QTMAN: variants seen among roughly 807,000 people sequenced by gnomAD.
QTMAN encodes the protein queuosine-tRNA mannosyltransferase, also known as tRNA-queuosine alpha-mannosyltransferase.
the QTMAN span, among the ~76,000 whole-genome samples, chr2:144,326,540 T>C: frequency 2.0e-5 from 3 of 149,100 alleles, no homozygotes; most frequent in East Asian, 2.0e-4. Flanking sequence ...TGAGCCGAGA[T>C]TGCGCCACTG....
the QTMAN span, chr2:143,952,832 A>C: frequency 6.2e-7 from 1 of 1,604,226 alleles, no homozygotes; most frequent in Non-Finnish European, 8.5e-7. Flanking sequence ...CCCACAGTAC[A>C]CAGCTTCCAA....
chr2:143,980,501 A>T, the QTMAN span, among the ~76,000 whole-genome samples: 2 of 151,068 alleles, frequency 1.3e-5, no homozygotes, highest in East Asian at 3.9e-4. Context: ...AATTGAATTG[A>T]CTCTAAATCT....
the QTMAN span, among the ~76,000 whole-genome samples, chr2:144,323,491 G>C: frequency 6.6e-6 from 1 of 152,066 alleles, no homozygotes; most frequent in East Asian, 1.9e-4. Flanking sequence ...TAGTTTCATC[G>C]ATCATTGCTT....
the QTMAN span, among the ~76,000 whole-genome samples, chr2:144,306,332 A>G: frequency 6.6e-6 from 1 of 152,228 alleles, no homozygotes; most frequent in Non-Finnish European, 1.5e-5. Context: ...TCAGGTTTCT[A>G]TAACAAAATA....
the QTMAN span, among the ~76,000 whole-genome samples, chr2:144,190,998 C>T: frequency 6.6e-6 from 1 of 152,166 alleles, no homozygotes; most frequent in African/African-American, 2.4e-5. Flanking sequence ...TTTAACACTG[C>T]ATAGAAAGTT....
At chr2:144,147,226 A>G in the QTMAN span, among the ~76,000 whole-genome samples, 1 of 151,564 alleles carries the variant, frequency 6.6e-6, no homozygotes, top group African/African-American at 2.4e-5. Flanking sequence ...TCAAACCTAC[A>G]TTGCTATATT....
chr2:143,942,007 C>T, the QTMAN span: 1 of 159,534 alleles, frequency 6.3e-6, no homozygotes, highest in South Asian at 2.1e-4. Context: ...ATTAAATTTT[C>T]AGATCTAAAG....
the QTMAN span, among the ~76,000 whole-genome samples, chr2:144,158,198 A>T: frequency 6.6e-6 from 1 of 151,992 alleles, no homozygotes; most frequent in East Asian, 1.9e-4. Context: ...ACCACTCCAT[A>T]GGAATCAGTA....
chr2:143,969,789 G>A, the QTMAN span, among the ~76,000 whole-genome samples: 9 of 152,134 alleles, frequency 5.9e-5, no homozygotes, highest in Admixed American at 2.0e-4. Context: ...CAGCTGCAGC[G>A]GGCAAAAGAT....
At chr2:144,278,409 T>C in the QTMAN span, among the ~76,000 whole-genome samples, 4 of 152,102 alleles carry the variant, frequency 2.6e-5, no homozygotes, top group Non-Finnish European at 5.9e-5. Flanking sequence ...TAAAATTCTG[T>C]AGTATGAAAG....
the QTMAN span, among the ~76,000 whole-genome samples, chr2:144,036,560 T>TGTAC: frequency 0.014 from 2,119 of 152,296 alleles, 48 homozygotes; most frequent in African/African-American, 0.049. Flanking sequence ...TGTGTGTCTG[T>TGTAC]AACACCATGT....
At chr2:144,306,880 G>A in the QTMAN span, among the ~76,000 whole-genome samples, 1 of 152,058 alleles carries the variant, frequency 6.6e-6, no homozygotes, top group Non-Finnish European at 1.5e-5. Context: ...AAATACAAAT[G>A]GCTGGGCGCG....
chr2:144,249,373 A>G, the QTMAN span, among the ~76,000 whole-genome samples: 1 of 152,224 alleles, frequency 6.6e-6, no homozygotes, highest in African/African-American at 2.4e-5. Context: ...GCTACTTTTC[A>G]GCACGCTTTC....
the QTMAN span, among the ~76,000 whole-genome samples, chr2:144,171,628 CAATATTTGGAGGA>C: frequency 6.6e-6 from 1 of 151,980 alleles, no homozygotes; most frequent in Non-Finnish European, 1.5e-5. Context: ...CTGGACATTT[CAATATTTGGAGGA>C]AATATTTTTT....
At chr2:143,953,368 G>C in the QTMAN span, among the ~76,000 whole-genome samples, 22 of 151,766 alleles carry the variant, frequency 1.4e-4, no homozygotes, top group African/African-American at 5.3e-4. Context: ...AAAACAATTT[G>C]TTATTATGCA....
chr2:144,299,706 A>G, the QTMAN span, among the ~76,000 whole-genome samples: 1 of 152,250 alleles, frequency 6.6e-6, no homozygotes, highest in African/African-American at 2.4e-5. Flanking sequence ...TGCAGCCACT[A>G]TGGAAAAGAG....
the QTMAN span, among the ~76,000 whole-genome samples, chr2:144,075,310 C>T: frequency 6.6e-6 from 1 of 152,210 alleles, no homozygotes; most frequent in Non-Finnish European, 1.5e-5. Context: ...AACACGCACT[C>T]ACATGTTAAA....
At chr2:144,118,825 G>A in the QTMAN span, among the ~76,000 whole-genome samples, 1 of 152,154 alleles carries the variant, frequency 6.6e-6, no homozygotes, top group African/African-American at 2.4e-5. Context: ...AGCTTGCAGT[G>A]AGCCGAGATC....
chr2:144,063,468 G>A, the QTMAN span, among the ~76,000 whole-genome samples: 1 of 152,010 alleles, frequency 6.6e-6, no homozygotes, highest in African/African-American at 2.4e-5. Flanking sequence ...AAATCAACTT[G>A]ACTTATCAAG....
Sources: allele counts gnomAD v4.1 joint callset (sites outside exome capture counted in the v4.1 genomes callset), GRCh38; gene constraint gnomAD v4.1.1; transcripts MANE v1.5; gene names NCBI Gene and HGNC (gene_info 2026-07-23, HGNC 2026-07-21).